The following MCF2L variants were observed in gnomAD, a reference collection of about 807,000 sequenced individuals.
MCF2L encodes the protein MCF.2 cell line derived transforming sequence like.
In MCF2L, 97 loss-of-function variants were observed where a neutral mutation model predicts 153.4. The observed-to-expected ratio is 0.63, with a 90% confidence interval of 0.54 to 0.75. The LOEUF (loss-of-function observed/expected upper bound fraction) is 0.75, where lower values mean the gene tolerates loss of function less well. Ranked by LOEUF, MCF2L falls within the 30% of genes least tolerant of loss-of-function variation. The pLI is 0.00. For missense variants in MCF2L, 1,347 were observed against 1,495.2 expected (o/e 0.90, Z 1.64); for synonymous variants, 659 against 632.2 (o/e 1.04, Z -0.64).
intron 11 of MCF2L, among the ~76,000 whole-genome samples, 198 bp from the exon 12 acceptor site, chr13:113,075,766 TTG>T (rs2033404155): frequency 1.8e-5 from 2 of 109,024 alleles, no homozygotes; most frequent in African/African-American, 6.5e-5. Context: ...GGGATTGGCC[TTG>T]TCCAGCACTG....
intron 1 of MCF2L, among the ~76,000 whole-genome samples, chr13:112,976,678 C>T (rs976654218): frequency 5.3e-5 from 8 of 152,220 alleles, no homozygotes; most frequent in African/African-American, 1.7e-4. Flanking sequence ...ACCGGAGCCA[C>T]GACCTTCCCT....
intron 2 of MCF2L, among the ~76,000 whole-genome samples, chr13:112,935,244 A>C (rs1374373474): frequency 6.6e-6 from 1 of 152,120 alleles, no homozygotes; most frequent in Non-Finnish European, 1.5e-5. Flanking sequence ...GTATTCAATA[A>C]ATTACATGAG....
Position 112,979,380 on chromosome 13 carries a change from C to T in MCF2L, c.79+9922C>T, listed in dbSNP as rs2082320530. 5 of 1,347,340 alleles carry T rather than the reference C, an allele frequency of 3.7e-6. No homozygotes were observed. The South Asian group carries it at 6.9e-5, about 19-fold the overall frequency. The allele number at this position is 1,347,340 out of a possible 1,614,324, so 83.5% of individuals were successfully genotyped here. ...AGCACCTCGGCATTGTCTGCCTGCT[C>T]TTCCAGGCGTGCAGGGCAGTGGTGG... On this transcript the variant is annotated intron_variant, in intron 1 of 29. Transcript: ENST00000535094.
Position 113,027,763 on chromosome 13 carries a change from A to G in MCF2L, c.278+3005A>G, listed in dbSNP as rs1284936322. ...GGAAGGCAGTTATTAAGCCCATGTTATAGATGAGGCTTAATAACACGGTGA... is the reference window on the plus strand; with the variant it reads ...GGAAGGCAGTTATTAAGCCCATGTTGTAGATGAGGCTTAATAACACGGTGA... On this transcript the variant is annotated intron_variant, in intron 3 of 29. Transcript: ENST00000535094. This position sits in a 1 kb window ranked among gnomAD's most constrained non-coding sequence, Gnocchi z 4.8. Among the ~76,000 whole-genome samples, 1 of 152,182 alleles carries G rather than the reference A, an allele frequency of 6.6e-6. No homozygotes were observed. The highest frequency in any genetic ancestry group is 2.4e-5 in the African/African-American group (1 of 41,446).
At chr13:113,017,768 G>A (rs2084626316) in intron 2 of MCF2L, among the ~76,000 whole-genome samples, 1 of 152,322 alleles carries the variant, frequency 6.6e-6, no homozygotes, top group East Asian at 1.9e-4. Flanking sequence ...GTCCAGCTGG[G>A]TGAGGCCCCT....
intron 1 of MCF2L, among the ~76,000 whole-genome samples, chr13:112,900,539 G>A (rs2081109765): frequency 6.6e-6 from 1 of 152,224 alleles, no homozygotes; most frequent in Admixed American, 6.5e-5. Context: ...GTGAGTGTTT[G>A]TGGGGTGGTC....
chr13:113,011,661 C>T, intron 1 of MCF2L, among the ~76,000 whole-genome samples: 1 of 90,582 alleles, frequency 1.1e-5, no homozygotes, highest in Non-Finnish European at 2.5e-5. Flanking sequence ...GGACGGTGGA[C>T]ACTGTGATGC....
Position 113,074,643 on chromosome 13 carries a change from G to C in MCF2L, c.1116+80G>C. 1 of 1,578,108 alleles carries C rather than the reference G, an allele frequency of 6.3e-7. No homozygotes were observed. The highest frequency in any genetic ancestry group is 8.7e-7 in the Non-Finnish European group (1 of 1,155,378). ...GCTGCTCAGGAAGGCGCAGGAATGG[G>C]CCTCCCGCCTACGGAGAACGGACCC... On this transcript the variant is annotated intron_variant, in intron 10 of 29. Coordinates refer to ENST00000535094, the MANE Select transcript of MCF2L (RefSeq NM_001112732.3). The surrounding 1 kb of genome is among the most constrained non-coding windows in gnomAD (Gnocchi z 4.2).
rs373107185 is a variant in MCF2L at position 113,089,697 on chromosome 13, G to A, written c.2922G>A (p.Ala974=). The part of the protein sequence containing the change: ...PLSLEGYVSS[A]PLTKPPEKGK... ...GCCTGGAGGGATACGTCAGCTCAGC[G>A]CCACTGACAAAGCCCCCCGAAAAGG... The change falls in exon 26 of 30, where the codon GCG becomes GCA. Residue 974 remains alanine, a synonymous_variant. Transcript: ENST00000535094. 19 of 1,613,864 alleles carry A rather than the reference G, an allele frequency of 1.2e-5. No individual in the cohort carries two copies. Among genetic ancestry groups the A allele is most frequent in the East Asian group, 4.5e-5 (2 of 44,872 alleles).
Position 113,095,804 on chromosome 13 carries a change from C to T in MCF2L, c.3076-567C>T, listed in dbSNP as rs563715106. 1.6e-4 allele frequency: 156 copies of T among 999,650 alleles called. No homozygotes were observed. The African/African-American group carries it at 2.5e-3, about 16-fold the overall frequency. The allele number at this position is 999,650 out of a possible 1,614,324, so 61.9% of individuals were successfully genotyped here. A position where few individuals can be genotyped will look rare whatever the true frequency, so the allele number is the denominator to read the frequency against. On this transcript the variant is annotated intron_variant, in intron 27 of 29. Transcript: ENST00000535094. ...GAACAGCTGCCGCTTCCTGGGTCCC[C>T]ATTCCCCAACGGAACGTGTTCCATG... is the stretch of plus-strand genomic sequence containing the variant.
Position 112,969,631 on chromosome 13 carries a change from C to T in MCF2L, c.79+173C>T, listed in dbSNP as rs1193828092. On this transcript the variant is annotated intron_variant, in intron 1 of 29. Coordinates refer to ENST00000535094, the MANE Select transcript of MCF2L (RefSeq NM_001112732.3). The surrounding 1 kb of genome is among the most constrained non-coding windows in gnomAD (Gnocchi z 4.8). ...CTGGTGTGTTTTCAGAGGCTGTCGG[C>T]GATCGTATGCTGCCCGGGATAGTCA... The T allele has an allele frequency of 1.2e-5, 8 of 667,648 alleles. No homozygotes were observed. Among genetic ancestry groups the T allele is most frequent in the Non-Finnish European group, 1.5e-5 (8 of 539,728 alleles). The allele number at this position is 667,648 out of a possible 1,614,324, so 41.4% of individuals were successfully genotyped here. A position where few individuals can be genotyped will look rare whatever the true frequency, so the allele number is the denominator to read the frequency against.
At position 113,031,183 on chromosome 13, in the gene MCF2L, G is replaced by C. The variant is rs201998476; in HGVS notation, c.278+6425G>C. Among the ~76,000 whole-genome samples the C allele has an allele frequency of 8.1e-5, 12 of 147,962 alleles. No homozygotes were observed. The highest frequency in any genetic ancestry group is 2.8e-4 in the African/African-American group (11 of 39,224). On this transcript the variant is annotated intron_variant, in intron 3 of 29. Transcript: ENST00000535094. This position sits in a 1 kb window ranked among gnomAD's most constrained non-coding sequence, Gnocchi z 5.5. ...GAGAAGAGACAGAGAGTGACAGACAGAGACAGAGAGACAGAGACAGACAGA... is the reference window on the plus strand; with the variant it reads ...GAGAAGAGACAGAGAGTGACAGACACAGACAGAGAGACAGAGACAGACAGA...
intron 3 of MCF2L, among the ~76,000 whole-genome samples, chr13:113,032,982 T>C (rs3011508): frequency 0.72 from 101,368 of 140,912 alleles, 35,791 homozygotes; most frequent in East Asian, 0.85. Flanking sequence ...GACCCTGTGA[T>C]GTGAGTGGCC....
intron 2 of MCF2L, among the ~76,000 whole-genome samples, chr13:112,914,204 G>A (rs908623886): frequency 6.6e-6 from 1 of 152,180 alleles, no homozygotes; most frequent in African/African-American, 2.4e-5. Flanking sequence ...GCCAGGACCT[G>A]GTGCGTCCCC....
rs1256844282 is a variant in MCF2L, at chr13:113,031,138, CAG to C, written c.278+6384_278+6385del. Among the ~76,000 whole-genome samples, 1 of 148,186 alleles carries C rather than the reference CAG, an allele frequency of 6.7e-6. No individual in the cohort carries two copies. The highest frequency in any genetic ancestry group is 1.5e-5 in the Non-Finnish European group (1 of 67,300). On this transcript the variant is annotated intron_variant, in intron 3 of 29. Transcript: ENST00000535094. The surrounding 1 kb of genome is among the most constrained non-coding windows in gnomAD (Gnocchi z 5.5). Reference sequence around the variant, plus strand: ...AGACAGAGAGTGACAGAGAGACAGACAGAGACAGAGAGAGACAGAGAGAAGAG... The same window carrying C: ...AGACAGAGAGTGACAGAGAGACAGACAGACAGAGAGAGACAGAGAGAAGAG...
intron 2 of MCF2L, among the ~76,000 whole-genome samples, chr13:112,939,301 G>C (rs538155689): frequency 6.6e-6 from 1 of 152,178 alleles, no homozygotes; most frequent in Non-Finnish European, 1.5e-5. Context: ...GTGGCTCTTG[G>C]TTTTGGGTCC....
chr13:113,055,232 C>T (rs1225410422), intron 4 of MCF2L, among the ~76,000 whole-genome samples: 1 of 152,014 alleles, frequency 6.6e-6, no homozygotes, highest in Non-Finnish European at 1.5e-5. Context: ...ACTTAAAATA[C>T]GAAACCCTAA....
chr13:113,073,289 C>T (rs1172794548), intron 9 of MCF2L, among the ~76,000 whole-genome samples: 8 of 152,138 alleles, frequency 5.3e-5, no homozygotes, highest in Admixed American at 4.6e-4. Context: ...GTGTATTCTG[C>T]TATTGTTAGG....
Position 113,024,756 on chromosome 13 carries a change from C to T in MCF2L, c.276C>T (p.Pro92=). The T allele has an allele frequency of 1.2e-6, 2 of 1,611,252 alleles. No individual in the cohort carries two copies. Among genetic ancestry groups the T allele is most frequent in the Non-Finnish European group, 1.7e-6 (2 of 1,177,350 alleles). ...QNVMTYLTSI[P]SLQDAGIGFI... Reference sequence around the variant, plus strand: ...TCATGACCTACCTCACCAGCATCCCCAGGTACGTGCACCCAGAGCCCGGCA... The same window carrying T: ...TCATGACCTACCTCACCAGCATCCCTAGGTACGTGCACCCAGAGCCCGGCA... The change falls in exon 3 of 30, where the codon CCC becomes CCT. Residue 92 remains proline, a splice_region_variant and synonymous_variant. Transcript: ENST00000535094.
Sources: allele counts gnomAD v4.1 joint callset (sites outside exome capture counted in the v4.1 genomes callset), GRCh38; gene constraint gnomAD v4.1.1; non-coding constraint Gnocchi (gnomAD v3.1); transcripts MANE v1.5; gene names NCBI Gene and HGNC (gene_info 2026-07-23, HGNC 2026-07-21).